The following SVOP variants were observed in gnomAD, a reference collection of about 807,000 sequenced individuals.
SVOP encodes the protein synaptic vesicle 2-related protein.
A neutral mutation model predicts 69.1 loss-of-function variants in SVOP; 17 were observed. The ratio of observed to expected loss-of-function variants is 0.25; its 90% CI spans 0.17 to 0.37. The LOEUF (loss-of-function observed/expected upper bound fraction) is 0.37, where lower values mean the gene tolerates loss of function less well. Ranked by LOEUF, SVOP falls within the 10% of genes least tolerant of loss-of-function variation. SVOP has a pLI of 1.00. For missense variants in SVOP, 435 were observed against 597.5 expected (o/e 0.73, Z 2.84); for synonymous variants, 238 against 238.6 (o/e 1.00, Z 0.02).
At chr12:108,963,186 C>T (rs1448032285) in intron 5 of SVOP, among the ~76,000 whole-genome samples, 1 of 152,068 alleles carries the variant, frequency 6.6e-6, no homozygotes, top group East Asian at 1.9e-4. Context: ...CCCAGAGCTC[C>T]AAGGGTGAGT....
chr12:108,988,007 G>A (rs545236922), intron 1 of SVOP, among the ~76,000 whole-genome samples: 4 of 152,040 alleles, frequency 2.6e-5, no homozygotes, highest in South Asian at 4.2e-4. Context: ...CTGCAGCCTC[G>A]ACCTCCTGGG....
At position 108,944,569 on chromosome 12, in the gene SVOP, G is replaced by A. The variant is rs142143028; in HGVS notation, c.642+534C>T. 3.1e-3 allele frequency among the ~76,000 whole-genome samples: 468 copies of A among 152,284 alleles called. 7 individuals carry two copies. The highest frequency in any genetic ancestry group is 0.011 in the African/African-American group (438 of 41,562). On this transcript the variant is annotated intron_variant, in intron 7 of 15. Transcript: ENST00000610966. ...GGGCCATTGGGCAGCTGCATGAAGT[G>A]GGGAGTCATGGAGCCATTGTATTTG... is the stretch of plus-strand genomic sequence containing the variant.
At chr12:108,938,414 G>T (rs943639054) in intron 9 of SVOP, among the ~76,000 whole-genome samples, 1 of 152,014 alleles carries the variant, frequency 6.6e-6, no homozygotes, top group African/African-American at 2.4e-5. Flanking sequence ...ACCTACACAG[G>T]GTGCGGTTTG....
chr12:108,920,060 C>T (rs1369022299), intron 12 of SVOP, among the ~76,000 whole-genome samples: 1 of 152,186 alleles, frequency 6.6e-6, no homozygotes, highest in African/African-American at 2.4e-5. Flanking sequence ...CTGAAGGTAG[C>T]CTCTGGCCAA....
At chr12:108,946,801 C>T (rs1160393464) in intron 6 of SVOP, among the ~76,000 whole-genome samples, 1 of 151,652 alleles carries the variant, frequency 6.6e-6, no homozygotes, top group African/African-American at 2.4e-5. Flanking sequence ...TCACTGAAAC[C>T]TCCACCTCCC....
At chr12:108,915,353 C>T (rs1025761420) in intron 15 of SVOP, among the ~76,000 whole-genome samples, 4 of 152,046 alleles carry the variant, frequency 2.6e-5, no homozygotes, top group African/African-American at 2.4e-5. Flanking sequence ...CCTTCCCAGT[C>T]GAGTGGTCCC....
chr12:108,975,707 ATTG>A (rs1747727893), intron 4 of SVOP, among the ~76,000 whole-genome samples: 1 of 151,980 alleles, frequency 6.6e-6, no homozygotes, highest in African/African-American at 2.4e-5. Flanking sequence ...TATTATTATT[ATTG>A]TTGTTATTTG....
intron 10 of SVOP, among the ~76,000 whole-genome samples, chr12:108,935,925 T>C (rs538785275): frequency 2.3e-4 from 35 of 152,210 alleles, no homozygotes; most frequent in Non-Finnish European, 4.6e-4. Flanking sequence ...ATGCCCATGT[T>C]GACCAAATCA....
intron 1 of SVOP, among the ~76,000 whole-genome samples, chr12:109,016,501 TC>T (rs1271242004): frequency 2.0e-5 from 3 of 152,166 alleles, no homozygotes; most frequent in Non-Finnish European, 2.9e-5. Context: ...CTCAGCAGTT[TC>T]CCCTCAAGCC....
intron 7 of SVOP, among the ~76,000 whole-genome samples, chr12:108,944,344 C>T (rs1157540146): frequency 6.6e-6 from 1 of 152,164 alleles, no homozygotes; most frequent in Non-Finnish European, 1.5e-5. Flanking sequence ...ATGGATTCAT[C>T]CACATCAGTG....
In SVOP at chr12:108,938,813, G is replaced by C; in HGVS notation, c.897+14C>G. The C allele has an allele frequency of 6.2e-7, 1 of 1,613,932 alleles. No homozygotes were observed. The highest frequency in any genetic ancestry group is 8.5e-7 in the Non-Finnish European group (1 of 1,179,848). Reference sequence around the variant, plus strand: ...GATACGCACATTGCAGAGTCTATTGGTCCAGGCACTGACCTGTCTGGAGAT... The same window carrying C: ...GATACGCACATTGCAGAGTCTATTGCTCCAGGCACTGACCTGTCTGGAGAT... On this transcript the variant is annotated intron_variant, in intron 9 of 15. Coordinates refer to ENST00000610966, the MANE Select transcript of SVOP (RefSeq NM_018711.5).
chr12:108,966,158 G>T (rs2040044454), intron 5 of SVOP, among the ~76,000 whole-genome samples: 1 of 152,050 alleles, frequency 6.6e-6, no homozygotes, highest in Admixed American at 6.6e-5. Flanking sequence ...ATGCCATCAT[G>T]CCTGGCTACA....
rs2039690092 is a variant in SVOP at position 108,912,470 on chromosome 12, A to T, written c.*65T>A. The T allele has an allele frequency of 1.9e-6, 3 of 1,603,602 alleles. No individual in the cohort carries two copies. The Admixed American group carries it at 5.0e-5, about 27-fold the overall frequency. On this transcript the variant is annotated 3_prime_UTR_variant, in exon 16 of 16. Transcript: ENST00000610966. Reference sequence around the variant, plus strand: ...TGTCGGCAGTGACAATCAGTGCCCCAGTTGGGGCCTGCCAGCCCCCCAAGC... The same window carrying T: ...TGTCGGCAGTGACAATCAGTGCCCCTGTTGGGGCCTGCCAGCCCCCCAAGC...
In SVOP at chr12:108,945,089, G is replaced by C; in HGVS notation, c.642+14C>G. The stretch of plus-strand genomic sequence containing the variant: ...TCCACATGCTCTAGAGACCCAGGCC[G>C]CTCTCCTCCTTACCTCAATCAGCAA... On this transcript the variant is annotated intron_variant, in intron 7 of 15. Transcript: ENST00000610966. The C allele has an allele frequency of 6.5e-7, 1 of 1,536,638 alleles. No individual in the cohort carries two copies. The highest frequency in any genetic ancestry group is 8.7e-7 in the Non-Finnish European group (1 of 1,146,546).
chr12:109,006,020 G>A (rs995931754), intron 1 of SVOP, among the ~76,000 whole-genome samples: 1 of 152,044 alleles, frequency 6.6e-6, no homozygotes, highest in Non-Finnish European at 1.5e-5. Flanking sequence ...CCCGCAAGAG[G>A]AGGAATCAAT....
At chr12:108,981,110 A>G (rs1333073513) in intron 2 of SVOP, among the ~76,000 whole-genome samples, 2 of 152,214 alleles carry the variant, frequency 1.3e-5, no homozygotes, top group Non-Finnish European at 2.9e-5. Context: ...GGTTTCCTCC[A>G]GCAAAAAATA....
chr12:108,987,919 A>G (rs1183719707), intron 1 of SVOP, among the ~76,000 whole-genome samples: 5 of 34,710 alleles, frequency 1.4e-4, no homozygotes, highest in Non-Finnish European at 8.9e-4. Flanking sequence ...GAATGCACCA[A>G]AGTTTGAAAA....
At chr12:108,923,448 T>C (rs76284626) in intron 11 of SVOP, among the ~76,000 whole-genome samples, 1 of 152,068 alleles carries the variant, frequency 6.6e-6, no homozygotes, top group Non-Finnish European at 1.5e-5. Flanking sequence ...CCACAAGGAA[T>C]TGAATGCTAC....
chr12:108,914,461 C>G (rs528567083), intron 15 of SVOP, among the ~76,000 whole-genome samples: 1 of 152,190 alleles, frequency 6.6e-6, no homozygotes, highest in Non-Finnish European at 1.5e-5. Context: ...TCATGACACA[C>G]GAAGAGTTGC....
Sources: gnomAD v4.1 joint callset for allele counts (sites outside exome capture counted in the v4.1 genomes callset) on GRCh38, gnomAD v4.1.1 for gene constraint, MANE v1.5 for transcripts, NCBI Gene and HGNC (gene_info 2026-07-23, HGNC 2026-07-21) for gene names.